Variants in ALDH16A1 observed in about 807,000 individuals in gnomAD.
ALDH16A1 encodes the protein aldehyde dehydrogenase 16 family member A1, also known as aldehyde dehydrogenase family 16 member A1.
In ALDH16A1, 88 loss-of-function variants were observed where a neutral mutation model predicts 96.1. The observed-to-expected ratio is 0.92, with a 90% CI of 0.77 to 1.09. The LOEUF (loss-of-function observed/expected upper bound fraction) is 1.09, where lower values mean the gene tolerates loss of function less well. Ranked by LOEUF, ALDH16A1 falls within the 50% of genes least tolerant of loss-of-function variation. The probability of loss-of-function intolerance (pLI) is 0.00; values close to 1 mark genes in which losing one functional copy is unlikely to be tolerated. For missense variants in ALDH16A1, 1,250 were observed against 1,112.6 expected (o/e 1.12, Z -1.76); for synonymous variants, 522 against 496.4 (o/e 1.05, Z -0.69).
Position 49,459,146 on chromosome 19 carries a change from A to G in ALDH16A1, c.320+60A>G, listed in dbSNP as rs2079123210. The G allele has an allele frequency of 1.3e-6, 2 of 1,566,686 alleles. No individual in the cohort carries two copies. The highest frequency in any genetic ancestry group is 1.8e-5 in the Admixed American group (1 of 54,818). ...GGAACCCCAGCATCCACTCGAGACC[A>G]TGGGAACAAAGGCTATTTCCCAAGA... On this transcript the variant is annotated intron_variant, in intron 3 of 16. Transcript: ENST00000293350. The surrounding 1 kb of genome is among the most constrained non-coding windows in gnomAD (Gnocchi z 4.1).
rs541864800 is a variant in ALDH16A1, at chr19:49,459,475, C to G, written c.321-195C>G. Among the ~76,000 whole-genome samples, 4 of 152,334 alleles carry G rather than the reference C, an allele frequency of 2.6e-5. No individual in the cohort carries two copies. The East Asian group carries it at 7.7e-4, about 29-fold the overall frequency. On this transcript the variant is annotated intron_variant, in intron 3 of 16. Coordinates refer to ENST00000293350, the MANE Select transcript of ALDH16A1 (RefSeq NM_153329.4). The surrounding 1 kb of genome is among the most constrained non-coding windows in gnomAD (Gnocchi z 4.1). ...TTCAGGGATTTCCGGCGGCCAAGAC[C>G]TTTACACAGCATCCTCAGGGTTTGT...
chr19:49,462,779 A>G (rs1440964690), intron 8 of ALDH16A1, 24 bp downstream of exon 8: 2 of 1,528,512 alleles, frequency 1.3e-6, no homozygotes, highest in Non-Finnish European at 8.8e-7. Flanking sequence ...TAGAGACTTG[A>G]GGGTGTCAGG....
At chr19:49,465,671 C>T (rs1237978152) in intron 12 of ALDH16A1, 67 bp from the exon 13 acceptor site, 12 of 1,519,432 alleles carry the variant, frequency 7.9e-6, no homozygotes, top group African/African-American at 6.9e-5. Flanking sequence ...CTTCCCAGTG[C>T]GGTAGAGCAT....
chr19:49,470,546 CT>C lies in ALDH16A1; in HGVS notation c.*81del. 4 of 1,398,216 alleles carry C rather than the reference CT, an allele frequency of 2.9e-6. No individual in the cohort carries two copies. Among genetic ancestry groups the C allele is most frequent in the Non-Finnish European group, 3.7e-6 (4 of 1,069,912 alleles). The allele number at this position is 1,398,216 out of a possible 1,614,324, so 86.6% of individuals were successfully genotyped here. A position where few individuals can be genotyped will look rare whatever the true frequency, so the allele number is the denominator to read the frequency against. On this transcript the variant is annotated 3_prime_UTR_variant, in exon 17 of 17. Coordinates refer to ENST00000293350, the MANE Select transcript of ALDH16A1 (RefSeq NM_153329.4). ...CCCCACAGACACCTGGGACTTTCCC[CT>C]TCTGGTTCCTGTGTCTCCCAATAAA...
At position 49,468,714 on chromosome 19, in the gene ALDH16A1, T is replaced by G; in HGVS notation, c.2124+148T>G. 1 of 1,355,472 alleles carries G rather than the reference T, an allele frequency of 7.4e-7. No individual in the cohort carries two copies. Among genetic ancestry groups the G allele is most frequent in the Non-Finnish European group, 1.0e-6 (1 of 995,600 alleles). 84.0% of individuals were successfully genotyped at this position (1,355,472 alleles called of 1,614,324 possible). A position where few individuals can be genotyped will look rare whatever the true frequency, so the allele number is the denominator to read the frequency against. The stretch of plus-strand genomic sequence containing the variant: ...CCCCAGCACCCAAACCTTCACTCCT[T>G]GGGGACCCAGTGCCCATTCTTCACC... On this transcript the variant is annotated intron_variant, in intron 15 of 16. Coordinates refer to ENST00000293350, the MANE Select transcript of ALDH16A1 (RefSeq NM_153329.4). The surrounding 1 kb of genome is among the most constrained non-coding windows in gnomAD (Gnocchi z 4.4).
intron 12 of ALDH16A1, 30 bp downstream of exon 12, chr19:49,464,792 G>A (rs914343728): frequency 1.2e-6 from 2 of 1,612,668 alleles, no homozygotes; most frequent in African/African-American, 2.7e-5. Flanking sequence ...TGGTCTGGGA[G>A]TGTGAACGGG....
Position 49,464,187 on chromosome 19 carries a change from G to A in ALDH16A1, c.1255G>A (p.Ala419Thr). The change falls in exon 10 of 17, where the codon GCC becomes ACC. Residue 419 changes from alanine to threonine, a missense_variant. By Grantham distance (58) the Ala-to-Thr change is moderately conservative. Coordinates refer to ENST00000293350, the MANE Select transcript of ALDH16A1 (RefSeq NM_153329.4). ...CACAGCCAAGGAGGCACTGTTGGTG[G>A]CCAACGGGACGCCCCGCGGGGGCAG... is the stretch of plus-strand genomic sequence containing the variant. ...FRTAKEALLV[A>T]NGTPRGGSAS... is the part of the protein sequence containing the mutation. 1 of 1,607,754 alleles carries A rather than the reference G, an allele frequency of 6.2e-7. No homozygotes were observed.
At position 49,470,786 on chromosome 19, in the gene ALDH16A1, C is replaced by T. The variant is rs2079239882; in HGVS notation, c.*319C>T. ...GCCTCAGCCTCATATGTAGCTGGGG[C>T]CACAGACATGCACCACCACACCTGG... is the stretch of plus-strand genomic sequence containing the variant. On this transcript the variant is annotated 3_prime_UTR_variant, in exon 17 of 17. Transcript: ENST00000293350. The T allele has an allele frequency of 8.7e-6, 2 of 229,016 alleles. No individual in the cohort carries two copies. The highest frequency in any genetic ancestry group is 5.3e-5 in the Admixed American group (1 of 18,996). The allele number at this position is 229,016 out of a possible 1,614,324, so 14.2% of individuals were successfully genotyped here. A position where few individuals can be genotyped will look rare whatever the true frequency, so the allele number is the denominator to read the frequency against.
chr19:49,468,969 T>G lies in ALDH16A1; in HGVS notation c.2230T>G (p.Tyr744Asp). 6.2e-7 allele frequency: 1 copy of G among 1,613,040 alleles called. No individual in the cohort carries two copies. The highest frequency in any genetic ancestry group is 8.5e-7 in the Non-Finnish European group (1 of 1,179,352). Residue 744 changes from tyrosine (Y) to aspartate (D), a missense_variant, in exon 16 of 17, where the codon TAT (tyrosine) becomes GAT (aspartate). Coordinates refer to ENST00000293350, the MANE Select transcript of ALDH16A1 (RefSeq NM_153329.4). The surrounding 1 kb of genome is among the most constrained non-coding windows in gnomAD (Gnocchi z 4.4). ...GCACCAAGACGTCCAGGCCATGTGGTATTTCGGATCAGCCCAGGTGCTCTT... is the reference window on the plus strand; with the variant it reads ...GCACCAAGACGTCCAGGCCATGTGGGATTTCGGATCAGCCCAGGTGCTCTT... ...ALHQDVQAMW[Y>D]FGSAQGSQFV...
At chr19:49,456,480 A>G (rs2079105445) in intron 1 of ALDH16A1, among the ~76,000 whole-genome samples, 1 of 152,218 alleles carries the variant, frequency 6.6e-6, no homozygotes, top group Admixed American at 6.5e-5. Flanking sequence ...AAACTCCTGG[A>G]CCCAAGCAAT....
chr19:49,462,064 A>G (rs1160337353), intron 7 of ALDH16A1, 28 bp downstream of exon 7: 4 of 1,520,368 alleles, frequency 2.6e-6, no homozygotes, highest in Non-Finnish European at 3.5e-6. Flanking sequence ...CCGTCTCCTC[A>G]TACCCTGGAG....
In ALDH16A1 at chr19:49,466,068, C is replaced by A. The variant is rs1421710226; in HGVS notation, c.1737-14C>A. 4 of 1,540,826 alleles carry A rather than the reference C, an allele frequency of 2.6e-6. No individual in the cohort carries two copies. Among genetic ancestry groups the A allele is most frequent in the Middle Eastern group, 2.2e-4 (1 of 4,578 alleles). Reference sequence around the variant, plus strand: ...CCAGGATGCCAACCCCCACTGTGCGCTGTCTGCCCACAGCTGGGCGGGCCA... The same window carrying A: ...CCAGGATGCCAACCCCCACTGTGCGATGTCTGCCCACAGCTGGGCGGGCCA... On this transcript the variant is annotated splice_polypyrimidine_tract_variant and intron_variant, in intron 13 of 16. Transcript: ENST00000293350.
In ALDH16A1 at chr19:49,470,380, C is replaced by A. The variant is rs1378449878; in HGVS notation, c.2322C>A (p.Ala774=). ...PVWASRGCPR[A]WDQEAEGAGP... is the part of the protein sequence containing the mutation. ...GGGCGAGCAGGGGCTGCCCGCGGGC[C>A]TGGGACCAGGAGGCCGAGGGGGCAG... Residue 774 remains alanine (A), a synonymous_variant, in exon 17 of 17, where the codon GCC becomes GCA. Coordinates refer to ENST00000293350, the MANE Select transcript of ALDH16A1 (RefSeq NM_153329.4). 1 of 1,612,812 alleles carries A rather than the reference C, an allele frequency of 6.2e-7. No individual in the cohort carries two copies. Among genetic ancestry groups the A allele is most frequent in the Non-Finnish European group, 8.5e-7 (1 of 1,179,774 alleles).
rs368739759 is a variant in ALDH16A1, at chr19:49,464,570, C to T, written c.1437+48C>T. 132 of 1,613,398 alleles carry T rather than the reference C, an allele frequency of 8.2e-5. No individual in the cohort carries two copies. In the African/African-American group the frequency reaches 1.6e-3, roughly 19 times the overall value. On this transcript the variant is annotated intron_variant, in intron 11 of 16. Transcript: ENST00000293350. ...ACCAGCCCCCCCGCCGCCCCATGCC[C>T]TTGACACTCGCATCCGGCCTCGCGT...
In ALDH16A1 at chr19:49,467,998, C is replaced by CA. The variant is rs879290872; in HGVS notation, c.1939-371dup. On this transcript the variant is annotated intron_variant, in intron 14 of 16. Transcript: ENST00000293350. ...TGAAACCCCGTCTCTACTAAATATA[C>CA]AAAAAAAAAAAATTAGCCGGGCATG... is the stretch of plus-strand genomic sequence containing the variant. 9.0e-3 allele frequency among the ~76,000 whole-genome samples: 1,261 copies of CA among 140,236 alleles called. 13 individuals are homozygous for CA. The highest frequency in any genetic ancestry group is 0.032 in the East Asian group (155 of 4,840). The allele number at this position is 140,236 out of a possible 152,430, so 92.0% of individuals were successfully genotyped here.
In ALDH16A1 at chr19:49,464,321, C is replaced by G. The variant is rs926565454; in HGVS notation, c.1331+58C>G. On this transcript the variant is annotated intron_variant, in intron 10 of 16. Coordinates refer to ENST00000293350, the MANE Select transcript of ALDH16A1 (RefSeq NM_153329.4). ...TCCTCATTCTTCCATCTTCATCTCC[C>G]TTCTCCCTGGGTCGCTCCCCGCGCC... is the stretch of plus-strand genomic sequence containing the variant. 7.6e-6 allele frequency: 12 copies of G among 1,588,934 alleles called. No individual in the cohort carries two copies. In the African/African-American group the frequency reaches 1.1e-4, roughly 14 times the overall value.
At position 49,461,761 on chromosome 19, in the gene ALDH16A1, G is replaced by C. The variant is rs1426407789; in HGVS notation, c.720G>C (p.Gln240His). The C allele has an allele frequency of 1.2e-6, 2 of 1,611,302 alleles. No homozygotes were observed. Among genetic ancestry groups the C allele is most frequent in the Non-Finnish European group, 1.7e-6 (2 of 1,178,888 alleles). Residue 240 changes from glutamine to histidine, a missense_variant, in exon 6 of 17, where the codon CAG (glutamine) becomes CAC (histidine). Gln to His is a conservative substitution (Grantham distance 24). Transcript: ENST00000293350. ...CCCTGGTGCCCATCCTGGCCTCCCAGCCTGGAATCCGGAAGGTGGCCTTCT... is the reference window on the plus strand; with the variant it reads ...CCCTGGTGCCCATCCTGGCCTCCCACCCTGGAATCCGGAAGGTGGCCTTCT... The part of the protein sequence containing the change: ...PASLVPILAS[Q>H]PGIRKVAFCG...
In ALDH16A1 at chr19:49,464,494, G is replaced by A. The variant is rs140593990; in HGVS notation, c.1409G>A (p.Ser470Asn). The A allele has an allele frequency of 1.9e-6, 3 of 1,613,650 alleles. No individual in the cohort carries two copies. Among genetic ancestry groups the A allele is most frequent in the Non-Finnish European group, 2.5e-6 (3 of 1,179,930 alleles). ...GTGCCCACAGGCGGCTGCAAGGAGA[G>A]TGGGTGTTCCTGGCACGGGGGCCCA... ...PSVPTGGCKE[S>N]GCSWHGGPDG... The change falls in exon 11 of 17, where the codon AGT becomes AAT. Residue 470 changes from serine to asparagine, a missense_variant. By Grantham distance (46) the Ser-to-Asn change is conservative. Transcript: ENST00000293350.
Position 49,470,492 on chromosome 19 carries a change from T to TCACACCA in ALDH16A1, c.*25_*26insCACACCA. On this transcript the variant is annotated 3_prime_UTR_variant, in exon 17 of 17. Coordinates refer to ENST00000293350, the MANE Select transcript of ALDH16A1 (RefSeq NM_153329.4). ...ATGCCTGAGCGCCACCTACTGCATT[T>TCACACCA]TGGACACCTCACACCAAGGGGAGAT... 2 of 1,516,962 alleles carry TCACACCA rather than the reference T, an allele frequency of 1.3e-6. No homozygotes were observed. Among genetic ancestry groups the TCACACCA allele is most frequent in the Non-Finnish European group, 1.8e-6 (2 of 1,134,518 alleles). The allele number at this position is 1,516,962 out of a possible 1,614,324, so 94.0% of individuals were successfully genotyped here.
Sources: gnomAD v4.1 joint callset for allele counts (sites outside exome capture counted in the v4.1 genomes callset) on GRCh38, gnomAD v4.1.1 for gene constraint, Gnocchi (gnomAD v3.1) non-coding constraint, MANE v1.5 for transcripts, NCBI Gene and HGNC (gene_info 2026-07-23, HGNC 2026-07-21) for gene names.